The following SYDE1 variants were observed in gnomAD, a reference collection of about 807,000 sequenced individuals.
SYDE1 encodes synapse defective Rho GTPase activating protein 1.
In SYDE1, 34 loss-of-function variants were observed where a neutral mutation model predicts 63.3. That is an observed-to-expected ratio of 0.54 (90% CI 0.41 to 0.71). The LOEUF is 0.71. SYDE1 is among the 30% of genes least tolerant of loss of function. The probability of loss-of-function intolerance (pLI) is 0.00; values close to 1 mark genes in which losing one functional copy is unlikely to be tolerated. For synonymous variants in SYDE1, 467 were observed against 473.4 expected (o/e 0.99, Z 0.18); for missense variants, 925 against 1,042.5 (o/e 0.89, Z 1.55).
In SYDE1 at chr19:15,109,824, G is replaced by T; in HGVS notation, c.551G>T (p.Gly184Val). ...PELRRRLSLR[G>V]PRAGRERERA... The stretch of plus-strand genomic sequence containing the variant: ...CTGCGGCGCCGCCTGAGCCTGCGAG[G>T]CCCCCGGGCTGGCAGGGAGCGCGAG... The change falls in exon 3 of 8, where the codon GGC (glycine) becomes GTC (valine). Residue 184 changes from glycine to valine, a missense_variant. Around this residue, in one of 3 missense-constraint regions of SYDE1, gnomAD observed 599 missense variants for 653.7 expected, o/e 0.92. Coordinates refer to ENST00000342784, the MANE Select transcript of SYDE1 (RefSeq NM_033025.6). This position sits in a 1 kb window ranked among gnomAD's most constrained non-coding sequence, Gnocchi z 5.0. The T allele has an allele frequency of 6.5e-7, 1 of 1,534,056 alleles. No individual in the cohort carries two copies.
At position 15,114,068 on chromosome 19, in the gene SYDE1, T is replaced by C; in HGVS notation, c.*105T>C. 1 of 1,226,772 alleles carries C rather than the reference T, an allele frequency of 8.2e-7. No individual in the cohort carries two copies. 76.0% of individuals were successfully genotyped at this position (1,226,772 alleles called of 1,614,324 possible). On this transcript the variant is annotated 3_prime_UTR_variant, in exon 8 of 8. Transcript: ENST00000342784. ...GCCAGACCTGTTGCTCAGGCCGAGC[T>C]CCTGGTTGCCAGCGAGTTACCACGG...
In SYDE1 at chr19:15,114,091, C is replaced by T. The variant is rs1417897691; in HGVS notation, c.*128C>T. The T allele has an allele frequency of 1.0e-5, 9 of 904,138 alleles. No individual in the cohort carries two copies. The highest frequency in any genetic ancestry group is 2.3e-5 in the Admixed American group (1 of 42,666). 56.0% of individuals were successfully genotyped at this position (904,138 alleles called of 1,614,324 possible). A position where few individuals can be genotyped will look rare whatever the true frequency, so the allele number is the denominator to read the frequency against. On this transcript the variant is annotated 3_prime_UTR_variant, in exon 8 of 8. Transcript: ENST00000342784. ...GCTCCTGGTTGCCAGCGAGTTACCA[C>T]GGGACCAGTCGCGTGTATGGCTGAG... is the stretch of plus-strand genomic sequence containing the variant.
In SYDE1 at chr19:15,109,256, G is replaced by A. The variant is rs774211809; in HGVS notation, c.289G>A (p.Gly97Arg). 2 of 1,604,272 alleles carry A rather than the reference G, an allele frequency of 1.2e-6. No individual in the cohort carries two copies. The highest frequency in any genetic ancestry group is 1.1e-5 in the South Asian group (1 of 89,454). ...CAAGCCAGCTGAGGACACCTCTTTA[G>A]GGCCTGGGGTACCTGGCACTGGGGA... ...GAKPAEDTSL[G>R]PGVPGTGEPA... The change falls in exon 2 of 8, where the codon GGG becomes AGG. Residue 97 changes from glycine to arginine, a missense_variant. Coordinates refer to ENST00000342784, the MANE Select transcript of SYDE1 (RefSeq NM_033025.6). The surrounding 1 kb of genome is among the most constrained non-coding windows in gnomAD (Gnocchi z 5.0).
rs762333362 is a variant in SYDE1, at chr19:15,113,908, C to T, written c.2153C>T (p.Ala718Val). The part of the protein sequence containing the change: ...NPHLNLKDFD[A>V]LILDLERELS... The stretch of plus-strand genomic sequence containing the variant: ...CACCTGAATCTCAAAGACTTCGACG[C>T]CCTCATCCTGGATCTGGAGAGAGAG... Residue 718 changes from alanine to valine, a missense_variant, in exon 8 of 8, where the codon GCC becomes GTC. This residue lies in a region of SYDE1 where 255 missense variants were observed against 255.9 expected (regional missense o/e 1.00). Transcript: ENST00000342784. 2 of 1,614,102 alleles carry T rather than the reference C, an allele frequency of 1.2e-6. No individual in the cohort carries two copies. The highest frequency in any genetic ancestry group is 1.6e-4 in the Middle Eastern group (1 of 6,062).
chr19:15,114,771 G>A lies in SYDE1; in HGVS notation c.*808G>A, dbSNP rs933142112. Reference sequence around the variant, plus strand: ...TGTGTGTCTGTGAGGACTGGTGTGCGTGGACACGTCTGAAGCAGGCGTGTG... The same window carrying A: ...TGTGTGTCTGTGAGGACTGGTGTGCATGGACACGTCTGAAGCAGGCGTGTG... On this transcript the variant is annotated 3_prime_UTR_variant, in exon 8 of 8. Transcript: ENST00000342784. The A allele has an allele frequency of 5.2e-5, 12 of 231,884 alleles. 1 individual carries two copies. In the South Asian group the frequency reaches 6.2e-4, roughly 12 times the overall value. The allele number at this position is 231,884 out of a possible 1,614,324, so 14.4% of individuals were successfully genotyped here.
At position 15,109,605 on chromosome 19, in the gene SYDE1, G is replaced by C; in HGVS notation, c.431-99G>C. 1 of 930,212 alleles carries C rather than the reference G, an allele frequency of 1.1e-6. No individual in the cohort carries two copies. Among genetic ancestry groups the C allele is most frequent in the Non-Finnish European group, 1.6e-6 (1 of 638,564 alleles). 57.6% of individuals were successfully genotyped at this position (930,212 alleles called of 1,614,324 possible). ...CCTCACACCCTCCTCCCCGCCAGGG[G>C]AACACCAGCCTCACACTCCTTCCCT... is the stretch of plus-strand genomic sequence containing the variant. On this transcript the variant is annotated intron_variant, in intron 2 of 7. Transcript: ENST00000342784. This position sits in a 1 kb window ranked among gnomAD's most constrained non-coding sequence, Gnocchi z 5.0.
Position 15,114,888 on chromosome 19 carries a change from T to G in SYDE1, c.*925T>G. 1 of 319,540 alleles carries G rather than the reference T, an allele frequency of 3.1e-6. No homozygotes were observed. The highest frequency in any genetic ancestry group is 7.9e-5 in the East Asian group (1 of 12,688). The allele number at this position is 319,540 out of a possible 1,614,324, so 19.8% of individuals were successfully genotyped here. ...AATGGTGCCTCAGTGGGCCCCAGAG[T>G]TCCAGTGGGAGAGTACGGTTCCCTC... On this transcript the variant is annotated 3_prime_UTR_variant, in exon 8 of 8. Coordinates refer to ENST00000342784, the MANE Select transcript of SYDE1 (RefSeq NM_033025.6).
rs2046322028 is a variant in SYDE1, at chr19:15,108,776, C to T, written c.89-280C>T. ...AGGAAGTGGAGACTGGAACGCAGTACCTACGGGCCCCAGGAAGCCTGACTT... is the reference window on the plus strand; with the variant it reads ...AGGAAGTGGAGACTGGAACGCAGTATCTACGGGCCCCAGGAAGCCTGACTT... On this transcript the variant is annotated intron_variant, in intron 1 of 7. Transcript: ENST00000342784. This position sits in a 1 kb window ranked among gnomAD's most constrained non-coding sequence, Gnocchi z 4.3. The T allele has an allele frequency of 2.7e-6, 1 of 376,106 alleles. No homozygotes were observed. The highest frequency in any genetic ancestry group is 4.7e-6 in the Non-Finnish European group (1 of 212,596). The allele number at this position is 376,106 out of a possible 1,614,324, so 23.3% of individuals were successfully genotyped here.
In SYDE1 at chr19:15,111,196, C is replaced by G. The variant is rs1284629562; in HGVS notation, c.1291-117C>G. The G allele has an allele frequency of 1.7e-6, 2 of 1,195,800 alleles. No individual in the cohort carries two copies. The highest frequency in any genetic ancestry group is 4.1e-5 in the Admixed American group (2 of 48,988). The allele number at this position is 1,195,800 out of a possible 1,614,324, so 74.1% of individuals were successfully genotyped here. ...GCCAGGTTGTCAAGGTAGTTCCAAC[C>G]TCCCAGCCCACAATGCCCATTGCTG... On this transcript the variant is annotated intron_variant, in intron 4 of 7. Transcript: ENST00000342784. This position sits in a 1 kb window ranked among gnomAD's most constrained non-coding sequence, Gnocchi z 5.5.
Position 15,109,021 on chromosome 19 carries a change from G to T in SYDE1, c.89-35G>T. 4.1e-6 allele frequency: 6 copies of T among 1,451,700 alleles called. No homozygotes were observed. Among genetic ancestry groups the T allele is most frequent in the Non-Finnish European group, 4.5e-6 (5 of 1,108,254 alleles). The allele number at this position is 1,451,700 out of a possible 1,614,324, so 89.9% of individuals were successfully genotyped here. On this transcript the variant is annotated intron_variant, in intron 1 of 7. Coordinates refer to ENST00000342784, the MANE Select transcript of SYDE1 (RefSeq NM_033025.6). The surrounding 1 kb of genome is among the most constrained non-coding windows in gnomAD (Gnocchi z 5.0). The stretch of plus-strand genomic sequence containing the variant: ...AGGGCTGCTCTGCAGGCAGTGAGGG[G>T]CTGGGTGGGTCTCACTCCCCTTGCT...
In SYDE1 at chr19:15,113,563, C is replaced by A; in HGVS notation, c.1808C>A (p.Pro603His). 2 of 1,547,242 alleles carry A rather than the reference C, an allele frequency of 1.3e-6. No individual in the cohort carries two copies. Among genetic ancestry groups the A allele is most frequent in the South Asian group, 1.2e-5 (1 of 80,942 alleles). ...LHYLLQSWPDPRLPRQSPDVA... is the reference protein window; with the variant it reads ...LHYLLQSWPDHRLPRQSPDVA... ...GACCTACCCTGTCTCCCTTCAGATCCCCGCCTGCCCCGACAATCTCCAGAT... is the reference window on the plus strand; with the variant it reads ...GACCTACCCTGTCTCCCTTCAGATCACCGCCTGCCCCGACAATCTCCAGAT... The change falls in exon 8 of 8, where the codon CCC (proline) becomes CAC (histidine). Residue 603 changes from proline to histidine, a missense_variant. By Grantham distance (77) the Pro-to-His change is moderately conservative (BLOSUM62 -2). Coordinates refer to ENST00000342784, the MANE Select transcript of SYDE1 (RefSeq NM_033025.6).
chr19:15,110,198 G>T lies in SYDE1; in HGVS notation c.925G>T (p.Gly309Trp), dbSNP rs764830617. The T allele has an allele frequency of 7.1e-7, 1 of 1,415,894 alleles. No homozygotes were observed. Among genetic ancestry groups the T allele is most frequent in the Non-Finnish European group, 9.2e-7 (1 of 1,087,774 alleles). The allele number at this position is 1,415,894 out of a possible 1,614,324, so 87.7% of individuals were successfully genotyped here. A position where few individuals can be genotyped will look rare whatever the true frequency, so the allele number is the denominator to read the frequency against. ...ARARTGPLRG[G>W]PDFLRLDHTF... is the part of the protein sequence containing the mutation. ...GGCCCGAACAGGGCCACTGCGAGGGGGGCCGGACTTCCTGCGGCTGGACCA... is the reference window on the plus strand; with the variant it reads ...GGCCCGAACAGGGCCACTGCGAGGGTGGCCGGACTTCCTGCGGCTGGACCA... The change falls in exon 3 of 8, where the codon GGG (glycine) becomes TGG (tryptophan). Residue 309 changes from glycine to tryptophan, a missense_variant. Coordinates refer to ENST00000342784, the MANE Select transcript of SYDE1 (RefSeq NM_033025.6). This position sits in a 1 kb window ranked among gnomAD's most constrained non-coding sequence, Gnocchi z 6.9.
At position 15,114,553 on chromosome 19, in the gene SYDE1, C is replaced by T. The variant is rs1338558095; in HGVS notation, c.*590C>T. On this transcript the variant is annotated 3_prime_UTR_variant, in exon 8 of 8. Coordinates refer to ENST00000342784, the MANE Select transcript of SYDE1 (RefSeq NM_033025.6). ...CTACCCTTTTCCGGGGAAGTCCCCA[C>T]GATTGGCCTCTAGTCAGCAAATGGA... 3.9e-5 allele frequency: 6 copies of T among 154,690 alleles called. No homozygotes were observed. The highest frequency in any genetic ancestry group is 2.4e-5 in the African/African-American group (1 of 41,304). 9.6% of individuals were successfully genotyped at this position (154,690 alleles called of 1,614,324 possible).
Position 15,107,476 on chromosome 19 carries a change from G to C in SYDE1, c.43G>C (p.Gly15Arg). Residue 15 changes from glycine (G) to arginine (R), a missense_variant, in exon 1 of 8, where the codon GGC (glycine) becomes CGC (arginine). Around this residue, in one of 3 missense-constraint regions of SYDE1, gnomAD observed 599 missense variants for 653.7 expected, o/e 0.92. Coordinates refer to ENST00000342784, the MANE Select transcript of SYDE1 (RefSeq NM_033025.6). ...CAGGAAAACCTTCTCCCGCCTGCGG[G>C]GCCGGGAGAAACTTCCCCGGAAAAA... ...LLRKTFSRLR[G>R]REKLPRKKSD... The C allele has an allele frequency of 6.5e-7, 1 of 1,540,500 alleles. No individual in the cohort carries two copies. The highest frequency in any genetic ancestry group is 8.8e-7 in the Non-Finnish European group (1 of 1,140,228).
rs757884415 is a variant in SYDE1, at chr19:15,113,939, C to G, written c.2184C>G (p.Ser728=). The G allele has an allele frequency of 1.2e-6, 2 of 1,612,924 alleles. No individual in the cohort carries two copies. The highest frequency in any genetic ancestry group is 1.7e-6 in the Non-Finnish European group (2 of 1,179,270). ...TCCTGGATCTGGAGAGAGAGCTCTC[C>G]AAGCAAATCAACGTGTGCCTCTGAG... ...ALILDLEREL[S]KQINVCL is the part of the protein sequence containing the mutation. Residue 728 remains serine, a synonymous_variant, in exon 8 of 8, where the codon TCC becomes TCG. Transcript: ENST00000342784.
In SYDE1 at chr19:15,112,495, C is replaced by A. The variant is rs147498610; in HGVS notation, c.1728C>A (p.Ser576=). Residue 576 remains serine, a synonymous_variant, in exon 7 of 8, where the codon TCC becomes TCA. Transcript: ENST00000342784. The part of the protein sequence containing the change: ...QAPTRPRARS[S]GPGLASAVDF... The stretch of plus-strand genomic sequence containing the variant: ...CCACAAGGCCTCGTGCCCGCAGCTC[C>A]GGCCCAGGCCTTGCCAGTGCAGTGG... The A allele has an allele frequency of 2.2e-5, 35 of 1,606,840 alleles. No homozygotes were observed. The highest frequency in any genetic ancestry group is 2.1e-4 in the African/African-American group (16 of 75,014).
In SYDE1 at chr19:15,109,350, C is replaced by T. The variant is rs747129100; in HGVS notation, c.383C>T (p.Pro128Leu). Residue 128 changes from proline (P) to leucine (L), a missense_variant, in exon 2 of 8, where the codon CCG becomes CTG. Transcript: ENST00000342784. The surrounding 1 kb of genome is among the most constrained non-coding windows in gnomAD (Gnocchi z 5.0). ...CCCAGACCTCCAGCACCTGAGCCCCCGGGGCCACAGCCTGGCTCAGCTGAG... is the reference window on the plus strand; with the variant it reads ...CCCAGACCTCCAGCACCTGAGCCCCTGGGGCCACAGCCTGGCTCAGCTGAG... ...EDPRPPAPEP[P>L]GPQPGSAESE... 4.4e-6 allele frequency: 7 copies of T among 1,593,404 alleles called. No homozygotes were observed. Among genetic ancestry groups the T allele is most frequent in the South Asian group, 2.3e-5 (2 of 88,712 alleles).
chr19:15,107,566 G>C (rs1045238818), intron 1 of SYDE1, 45 bp downstream of exon 1: 12 of 1,451,038 alleles, frequency 8.3e-6, no homozygotes, highest in Non-Finnish European at 1.0e-5. Context: ...AGCCCCACCC[G>C]GCCTGGGAGC....
At position 15,110,252 on chromosome 19, in the gene SYDE1, A is replaced by G; in HGVS notation, c.979A>G (p.Arg327Gly). ...CTTCCACCTGGAGCTGGAGGCCGCCAGGCTCCTGCGCGCCCTGGTGCTTGC... is the reference window on the plus strand; with the variant it reads ...CTTCCACCTGGAGCTGGAGGCCGCCGGGCTCCTGCGCGCCCTGGTGCTTGC... The part of the protein sequence containing the change: ...HTFHLELEAA[R>G]LLRALVLAWD... The change falls in exon 3 of 8, where the codon AGG becomes GGG. Residue 327 changes from arginine to glycine, a missense_variant. This residue lies in a region of SYDE1 where 599 missense variants were observed against 653.7 expected (regional missense o/e 0.92). Coordinates refer to ENST00000342784, the MANE Select transcript of SYDE1 (RefSeq NM_033025.6). The surrounding 1 kb of genome is among the most constrained non-coding windows in gnomAD (Gnocchi z 6.9). The G allele has an allele frequency of 7.1e-7, 1 of 1,412,992 alleles. No individual in the cohort carries two copies. 87.5% of individuals were successfully genotyped at this position (1,412,992 alleles called of 1,614,324 possible).
Sources: gnomAD v4.1 joint callset for allele counts on GRCh38, gnomAD v4.1.1 for gene constraint, gnomAD v4.1.1 regional missense constraint, Gnocchi (gnomAD v3.1) non-coding constraint, MANE v1.5 for transcripts, NCBI Gene and HGNC (gene_info 2026-07-23, HGNC 2026-07-21) for gene names.